The following CNTN4 variants were observed in gnomAD, a reference collection of about 807,000 sequenced individuals.
CNTN4 encodes contactin 4.
Under a neutral mutation model 122.5 loss-of-function variants are expected in CNTN4, and 77 were observed. That is an observed-to-expected ratio of 0.63 (90% CI 0.52 to 0.76). CNTN4 has a LOEUF of 0.76. Ranked by LOEUF, CNTN4 falls within the 30% of genes least tolerant of loss-of-function variation. The probability of loss-of-function intolerance (pLI) is 0.00; values close to 1 mark genes in which losing one functional copy is unlikely to be tolerated. For missense variants in CNTN4, 1,256 were observed against 1,259.1 expected, an observed-to-expected ratio of 1.00 and a Z score of 0.04; for synonymous variants, 512 against 447.0, an observed-to-expected ratio of 1.15 and a Z score of -1.83.
intron 14 of CNTN4, among the ~76,000 whole-genome samples, chr3:3,021,856 G>C (rs916753992): frequency 1.3e-5 from 2 of 152,148 alleles, no homozygotes; most frequent in Non-Finnish European, 2.9e-5. Flanking sequence ...AAGGCGGGAG[G>C]ATCTCTTGAG....
At chr3:2,946,704 C>T (rs117971880) in intron 13 of CNTN4, among the ~76,000 whole-genome samples, 1,671 of 119,210 alleles carry the variant, frequency 0.014, 14 homozygotes, top group Middle Eastern at 0.038. Flanking sequence ...TTTTTTTTTT[C>T]TTTTTTTTTT....
At chr3:2,537,264 G>T (rs906571667) in intron 3 of CNTN4, among the ~76,000 whole-genome samples, 16 of 152,058 alleles carry the variant, frequency 1.1e-4, no homozygotes, top group African/African-American at 3.9e-4. Context: ...AGTCACAGAG[G>T]TTCCTACGAC....
chr3:2,877,186 C>A (rs2093854269), intron 8 of CNTN4, among the ~76,000 whole-genome samples: 1 of 152,208 alleles, frequency 6.6e-6, no homozygotes, highest in Admixed American at 6.5e-5. Flanking sequence ...AAAAGAGTAG[C>A]CTATGAATGT....
chr3:2,954,237 G>C (rs1465878175), intron 13 of CNTN4, among the ~76,000 whole-genome samples: 1 of 152,072 alleles, frequency 6.6e-6, no homozygotes, highest in Non-Finnish European at 1.5e-5. Flanking sequence ...ATGTCAGCCT[G>C]TCCTCAGGAG....
intron 4 of CNTN4, among the ~76,000 whole-genome samples, chr3:2,627,563 G>A (rs137942386): frequency 4.7e-4 from 68 of 145,104 alleles, no homozygotes; most frequent in Middle Eastern, 3.8e-3. Flanking sequence ...GCGCAATCTC[G>A]GCTCACTGCA....
intron 3 of CNTN4, among the ~76,000 whole-genome samples, chr3:2,371,036 G>T (rs2045612996): frequency 6.6e-6 from 1 of 152,274 alleles, no homozygotes; most frequent in Non-Finnish European, 1.5e-5. Flanking sequence ...CAATGTGAAG[G>T]TCTTTACTTG....
At chr3:2,702,893 C>T (rs947684996) in intron 4 of CNTN4, among the ~76,000 whole-genome samples, 1 of 152,186 alleles carries the variant, frequency 6.6e-6, no homozygotes, top group African/African-American at 2.4e-5. Flanking sequence ...TCTTGCCTGA[C>T]TTTTCAAAGG....
intron 3 of CNTN4, among the ~76,000 whole-genome samples, chr3:2,530,564 T>C (rs2077561428): frequency 6.6e-6 from 1 of 152,098 alleles, no homozygotes; most frequent in Non-Finnish European, 1.5e-5. Flanking sequence ...TGCCTCAGCC[T>C]CCCAAAGTGC....
intron 12 of CNTN4, among the ~76,000 whole-genome samples, chr3:2,923,856 A>T (rs1172386880): frequency 6.6e-6 from 1 of 152,206 alleles, no homozygotes; most frequent in Non-Finnish European, 1.5e-5. Flanking sequence ...AATATTGAGT[A>T]GGTGTCCTGA....
At chr3:2,974,362 A>G (rs778283467) in intron 13 of CNTN4, among the ~76,000 whole-genome samples, 4 of 152,244 alleles carry the variant, frequency 2.6e-5, no homozygotes, top group Non-Finnish European at 5.9e-5. Context: ...AAATAATAAC[A>G]GAAATGATCT....
intron 2 of CNTN4, among the ~76,000 whole-genome samples, chr3:2,192,497 G>A (rs1352287447): frequency 6.6e-6 from 1 of 152,116 alleles, no homozygotes; most frequent in Non-Finnish European, 1.5e-5. Flanking sequence ...GAGTGAATAG[G>A]CAACCTGCAG....
chr3:2,669,496 G>A (rs1255749367), intron 4 of CNTN4, among the ~76,000 whole-genome samples: 2 of 151,854 alleles, frequency 1.3e-5, no homozygotes, highest in African/African-American at 2.4e-5. Context: ...TTCTTTATTA[G>A]TCTTGCTAGC....
chr3:2,215,663 A>C (rs559717344), intron 2 of CNTN4, among the ~76,000 whole-genome samples: 1 of 152,196 alleles, frequency 6.6e-6, no homozygotes, highest in African/African-American at 2.4e-5. Context: ...CACGTGGATC[A>C]TGAGGTCAGG....
chr3:2,638,952 C>G (rs1424892978), intron 4 of CNTN4, among the ~76,000 whole-genome samples: 1 of 152,174 alleles, frequency 6.6e-6, no homozygotes, highest in African/African-American at 2.4e-5. Context: ...CACCAGCAAG[C>G]ATCTTTCTTC....
intron 2 of CNTN4, among the ~76,000 whole-genome samples, chr3:2,226,813 G>T (rs1466506659): frequency 6.6e-6 from 1 of 152,000 alleles, no homozygotes; most frequent in Non-Finnish European, 1.5e-5. Context: ...AAGAATTTTA[G>T]CCTTTTTTTA....
At chr3:2,361,487 G>A (rs1274209269) in intron 3 of CNTN4, among the ~76,000 whole-genome samples, 1 of 152,174 alleles carries the variant, frequency 6.6e-6, no homozygotes, top group Non-Finnish European at 1.5e-5. Flanking sequence ...GATGTCAAGT[G>A]TCAAGGTTGA....
chr3:2,192,036 A>G (rs1192426319), intron 2 of CNTN4, among the ~76,000 whole-genome samples: 8 of 151,804 alleles, frequency 5.3e-5, no homozygotes, highest in Non-Finnish European at 7.4e-5. Context: ...AGCTTCATCC[A>G]TCTCCCTACA....
chr3:2,478,382 C>A (rs1016353139), intron 3 of CNTN4, among the ~76,000 whole-genome samples: 1 of 147,562 alleles, frequency 6.8e-6, no homozygotes, highest in South Asian at 2.2e-4. Context: ...TTCCGTGATA[C>A]ATAGTTGTCT....
chr3:2,704,351 A>G (rs2086532527), intron 4 of CNTN4, among the ~76,000 whole-genome samples: 1 of 151,816 alleles, frequency 6.6e-6, no homozygotes, highest in African/African-American at 2.4e-5. Flanking sequence ...CCTCTTATAC[A>G]TAATACCATT....
Sources: gnomAD v4.1 joint callset for allele counts (sites outside exome capture counted in the v4.1 genomes callset) on GRCh38, gnomAD v4.1.1 for gene constraint, MANE v1.5 for transcripts, NCBI Gene and HGNC (gene_info 2026-07-23, HGNC 2026-07-21) for gene names.